Variants in PSD3 observed in about 807,000 individuals in gnomAD.
PSD3 encodes pleckstrin and Sec7 domain containing 3.
PSD3 carries 49 observed loss-of-function variants against 105.5 expected under a neutral mutation model. The ratio of observed to expected loss-of-function variants is 0.46; its 90% CI spans 0.37 to 0.59. The LOEUF (loss-of-function observed/expected upper bound fraction) is 0.59, where lower values mean the gene tolerates loss of function less well. PSD3 is among the 20% of genes least tolerant of loss of function. PSD3 has a pLI of 0.00. For missense variants in PSD3, 1,561 were observed against 1,263.8 expected (o/e 1.24, Z -3.57); for synonymous variants, 557 against 457.8 (o/e 1.22, Z -2.77).
chr8:18,644,285 T>C (rs1394938760), intron 10 of PSD3, among the ~76,000 whole-genome samples: 1 of 152,248 alleles, frequency 6.6e-6, no homozygotes, highest in East Asian at 1.9e-4. Context: ...ATTATCGTTC[T>C]ATCTTTAAGT....
At chr8:18,873,224 A>G (rs1380804429) in intron 2 of PSD3, among the ~76,000 whole-genome samples, 1 of 152,144 alleles carries the variant, frequency 6.6e-6, no homozygotes, top group African/African-American at 2.4e-5. Context: ...CTCAGTCAAT[A>G]TGTTTTTTCT....
chr8:18,937,538 C>A (rs1190011025), intron 1 of PSD3, among the ~76,000 whole-genome samples: 1 of 149,788 alleles, frequency 6.7e-6, no homozygotes, highest in Non-Finnish European at 1.5e-5. Context: ...GGGGCAGACC[C>A]CACTTTGTTC....
chr8:18,536,126 A>G (rs1799831980), intron 15 of PSD3, among the ~76,000 whole-genome samples, 168 bp from the exon 16 acceptor site: 1 of 152,240 alleles, frequency 6.6e-6, no homozygotes, highest in Non-Finnish European at 1.5e-5. Context: ...ATGAGAGGCA[A>G]CTACAGAGAC....
intron 15 of PSD3, among the ~76,000 whole-genome samples, chr8:18,549,040 C>T (rs1334083852): frequency 6.6e-6 from 1 of 152,186 alleles, no homozygotes; most frequent in Non-Finnish European, 1.5e-5. Flanking sequence ...CATTACACTC[C>T]CACTTTCCCC....
intron 11 of PSD3, among the ~76,000 whole-genome samples, chr8:18,632,159 C>T (rs1274462044): frequency 1.3e-5 from 2 of 152,050 alleles, no homozygotes; most frequent in Non-Finnish European, 2.9e-5. Context: ...CACATATGTA[C>T]TGGATATGAA....
chr8:18,732,042 T>A (rs2129431576), intron 9 of PSD3, among the ~76,000 whole-genome samples: 1 of 152,196 alleles, frequency 6.6e-6, no homozygotes, highest in Middle Eastern at 3.4e-3. Flanking sequence ...ATTTTCTGTC[T>A]CTCATATACA....
chr8:18,634,137 G>C (rs1807090036), intron 10 of PSD3, among the ~76,000 whole-genome samples: 2 of 152,006 alleles, frequency 1.3e-5, no homozygotes, highest in African/African-American at 4.8e-5. Context: ...TTGTTGAATT[G>C]TTTAGGTTCC....
intron 1 of PSD3, among the ~76,000 whole-genome samples, chr8:19,043,732 C>A (rs1285346758): frequency 1.3e-5 from 2 of 152,146 alleles, no homozygotes; most frequent in African/African-American, 2.4e-5. Flanking sequence ...CCTTCTTTTG[C>A]CATTTCCCCT....
At chr8:18,991,518 C>T (rs558754615) in intron 1 of PSD3, among the ~76,000 whole-genome samples, 1 of 152,000 alleles carries the variant, frequency 6.6e-6, no homozygotes, top group African/African-American at 2.4e-5. Context: ...GATAGCTGAA[C>T]CACCAGAATT....
intron 10 of PSD3, among the ~76,000 whole-genome samples, chr8:18,652,480 A>C (rs1331821140): frequency 6.8e-6 from 1 of 147,402 alleles, no homozygotes; most frequent in South Asian, 2.1e-4. Flanking sequence ...ACTTTTATCA[A>C]GGAAAAAGCT....
At chr8:18,857,812 C>T (rs1816136953) in intron 4 of PSD3, among the ~76,000 whole-genome samples, 1 of 152,140 alleles carries the variant, frequency 6.6e-6, no homozygotes, top group Admixed American at 6.6e-5. Context: ...GTAAAAACAT[C>T]AGAAAATCTC....
intron 2 of PSD3, among the ~76,000 whole-genome samples, chr8:18,913,725 C>T (rs1426494998): frequency 6.6e-6 from 1 of 152,164 alleles, no homozygotes; most frequent in Non-Finnish European, 1.5e-5. Flanking sequence ...ACCAGGCTGG[C>T]CTTCATGGAC....
intron 9 of PSD3, among the ~76,000 whole-genome samples, chr8:18,710,159 T>C (rs936790090): frequency 2.0e-5 from 3 of 152,096 alleles, no homozygotes; most frequent in Non-Finnish European, 2.9e-5. Flanking sequence ...AATGACCTCA[T>C]GGAGCTGAAA....
intron 4 of PSD3, among the ~76,000 whole-genome samples, chr8:18,850,316 A>AT (rs1301781258): frequency 6.6e-6 from 1 of 152,210 alleles, no homozygotes; most frequent in Non-Finnish European, 1.5e-5. Flanking sequence ...ACCAGCTGTC[A>AT]TGACATCCTT....
At chr8:19,040,823 G>C (rs1224731939) in intron 1 of PSD3, among the ~76,000 whole-genome samples, 1 of 152,138 alleles carries the variant, frequency 6.6e-6, no homozygotes, top group Non-Finnish European at 1.5e-5. Flanking sequence ...GTTGTTCTTG[G>C]ACCACAGGTT....
At chr8:18,636,148 A>G (rs1180127809) in intron 10 of PSD3, among the ~76,000 whole-genome samples, 2 of 152,166 alleles carry the variant, frequency 1.3e-5, no homozygotes, top group Non-Finnish European at 2.9e-5. Context: ...GAGGCGAAAG[A>G]CAGTGATATT....
chr8:18,775,879 G>A (rs1808015449), intron 8 of PSD3, among the ~76,000 whole-genome samples: 1 of 152,088 alleles, frequency 6.6e-6, no homozygotes, highest in South Asian at 2.1e-4. Flanking sequence ...TCATAATTTA[G>A]AGGTCTTCCC....
chr8:18,847,429 C>A (rs562238272), intron 4 of PSD3, among the ~76,000 whole-genome samples: 121 of 152,334 alleles, frequency 7.9e-4, no homozygotes, highest in Middle Eastern at 3.4e-3. Flanking sequence ...CCTCCCCTTG[C>A]TCTGCCTTAA....
At chr8:19,041,486 T>C (rs1828122096) in intron 1 of PSD3, among the ~76,000 whole-genome samples, 1 of 152,232 alleles carries the variant, frequency 6.6e-6, no homozygotes, top group African/African-American at 2.4e-5. Flanking sequence ...TAAAGTTCTA[T>C]GGACATCCAA....
Sources: gnomAD v4.1 joint callset for allele counts (sites outside exome capture counted in the v4.1 genomes callset) on GRCh38, gnomAD v4.1.1 for gene constraint, MANE v1.5 for transcripts, NCBI Gene and HGNC (gene_info 2026-07-23, HGNC 2026-07-21) for gene names.